The following SLC35F3 variants were observed in gnomAD, a reference collection of about 807,000 sequenced individuals.
SLC35F3 encodes the protein solute carrier family 35 member F3, also known as putative thiamine transporter SLC35F3.
In SLC35F3, 25 loss-of-function variants were observed where a neutral mutation model predicts 49.9. That is an observed-to-expected ratio of 0.50 (90% CI 0.37 to 0.70). The LOEUF is 0.70. Among genes scored for constraint, SLC35F3 ranks in the 30% least tolerant of loss-of-function variants. The probability of loss-of-function intolerance (pLI) is 0.00; values close to 1 mark genes in which losing one functional copy is unlikely to be tolerated. For synonymous variants in SLC35F3, 275 were observed against 265.4 expected, an observed-to-expected ratio of 1.04 and a Z score of -0.35; for missense variants, 525 against 639.8, an observed-to-expected ratio of 0.82 and a Z score of 1.94.
chr1:233,981,343 A>G (rs1663178661), intron 2 of SLC35F3, among the ~76,000 whole-genome samples: 1 of 152,142 alleles, frequency 6.6e-6, no homozygotes, highest in South Asian at 2.1e-4. Context: ...ACCCTACACA[A>G]TCACTAATCT....
intron 3 of SLC35F3, among the ~76,000 whole-genome samples, chr1:234,292,245 G>C (rs1483033746): frequency 6.6e-6 from 1 of 152,200 alleles, no homozygotes; most frequent in Non-Finnish European, 1.5e-5. Context: ...ACCTGGCTAA[G>C]GACAGCAGGG....
chr1:233,935,650 C>G (rs1662311621), intron 2 of SLC35F3, among the ~76,000 whole-genome samples: 1 of 152,164 alleles, frequency 6.6e-6, no homozygotes, highest in African/African-American at 2.4e-5. Flanking sequence ...CTCCCACAAG[C>G]TTATGTTGCC....
rs986971741 is a variant in SLC35F3 at position 234,068,726 on chromosome 1, G to A, written c.284-162691G>A. 2.0e-5 allele frequency among the ~76,000 whole-genome samples: 3 copies of A among 149,386 alleles called. No individual in the cohort carries two copies. In the Admixed American group the frequency reaches 2.0e-4, roughly 10 times the overall value. On this transcript the variant is annotated intron_variant, in intron 2 of 7. Transcript: ENST00000366618. Reference sequence around the variant, plus strand: ...AGAGGCAAGAGTGCAGACCACGTAGGCCTTGCAGACCGCTGTAAATGCTTG... The same window carrying A: ...AGAGGCAAGAGTGCAGACCACGTAGACCTTGCAGACCGCTGTAAATGCTTG...
chr1:233,993,727 ACCT>A (rs1030015482), intron 2 of SLC35F3, among the ~76,000 whole-genome samples: 1 of 151,902 alleles, frequency 6.6e-6, no homozygotes, highest in Admixed American at 6.6e-5. Context: ...ACAACACCTG[ACCT>A]CCTGAAATCT....
intron 2 of SLC35F3, among the ~76,000 whole-genome samples, chr1:234,022,346 A>G (rs1363956731): frequency 6.6e-6 from 1 of 152,242 alleles, no homozygotes; most frequent in Non-Finnish European, 1.5e-5. Flanking sequence ...TGGCTCTCCA[A>G]TTGTGGAGGC....
At chr1:234,166,314 A>G (rs1181191103) in intron 2 of SLC35F3, among the ~76,000 whole-genome samples, 1 of 152,128 alleles carries the variant, frequency 6.6e-6, no homozygotes. Context: ...GCACTGACAC[A>G]TCATTATCAC....
chr1:234,270,538 A>G (rs1401102745), intron 3 of SLC35F3, among the ~76,000 whole-genome samples: 1 of 152,254 alleles, frequency 6.6e-6, no homozygotes, highest in Admixed American at 6.5e-5. Flanking sequence ...GGCAGAATGC[A>G]GCTTTTAGAC....
At chr1:234,028,375 TAA>T (rs1314857688) in intron 2 of SLC35F3, among the ~76,000 whole-genome samples, 1 of 152,194 alleles carries the variant, frequency 6.6e-6, no homozygotes, top group Non-Finnish European at 1.5e-5. Flanking sequence ...CCTGTGAGGT[TAA>T]AAGAGTTTCT....
At chr1:234,101,379 G>A (rs1227959659) in intron 2 of SLC35F3, among the ~76,000 whole-genome samples, 1 of 152,150 alleles carries the variant, frequency 6.6e-6, no homozygotes, top group African/African-American at 2.4e-5. Context: ...AGACACTCCT[G>A]AAAACTGGAA....
At chr1:234,195,149 G>A (rs937828105) in intron 2 of SLC35F3, among the ~76,000 whole-genome samples, 1 of 152,194 alleles carries the variant, frequency 6.6e-6, no homozygotes. Context: ...AAGGACACGT[G>A]TGGACAGAAC....
chr1:234,095,684 G>A (rs1266578462), intron 2 of SLC35F3, among the ~76,000 whole-genome samples: 2 of 152,110 alleles, frequency 1.3e-5, no homozygotes, highest in Non-Finnish European at 1.5e-5. Flanking sequence ...TCATTGACTC[G>A]GGCATCCCAG....
At chr1:234,291,662 C>G (rs1668510230) in intron 3 of SLC35F3, among the ~76,000 whole-genome samples, 1 of 152,112 alleles carries the variant, frequency 6.6e-6, no homozygotes, top group Non-Finnish European at 1.5e-5. Flanking sequence ...CTCCTGGGCT[C>G]AAGTGATCCT....
chr1:234,085,764 G>A (rs1045884569), intron 2 of SLC35F3, among the ~76,000 whole-genome samples: 2 of 152,128 alleles, frequency 1.3e-5, no homozygotes, highest in African/African-American at 4.8e-5. Flanking sequence ...TTAGTGTGAT[G>A]TCTTGGTCCT....
chr1:234,093,759 A>T (rs1665079774), intron 2 of SLC35F3, among the ~76,000 whole-genome samples: 1 of 152,236 alleles, frequency 6.6e-6, no homozygotes, highest in African/African-American at 2.4e-5. Flanking sequence ...AGTCTAGCCA[A>T]GAAAGAAAGG....
chr1:234,304,241 A>C (rs1212014063), intron 3 of SLC35F3, among the ~76,000 whole-genome samples: 1 of 151,966 alleles, frequency 6.6e-6, no homozygotes, highest in Non-Finnish European at 1.5e-5. Context: ...GGCTCACTGC[A>C]ACCTCCACCT....
chr1:233,997,488 A>G (rs932341308), intron 2 of SLC35F3, among the ~76,000 whole-genome samples: 1 of 152,250 alleles, frequency 6.6e-6, no homozygotes, highest in South Asian at 2.1e-4. Flanking sequence ...CATTTCTCCA[A>G]TGATGAGTGA....
intron 2 of SLC35F3, among the ~76,000 whole-genome samples, chr1:234,092,466 G>T (rs1665057803): frequency 6.6e-6 from 1 of 151,962 alleles, no homozygotes; most frequent in African/African-American, 2.4e-5. Context: ...GGACTGTATT[G>T]TTACAGAAAT....
chr1:234,179,722 AT>A (rs770955518), intron 2 of SLC35F3, among the ~76,000 whole-genome samples: 29 of 144,254 alleles, frequency 2.0e-4, no homozygotes, highest in Non-Finnish European at 3.4e-4. Context: ...ACTCTCTTGA[AT>A]TTTTACCAAT....
At chr1:234,054,862 C>A (rs1471430069) in intron 2 of SLC35F3, among the ~76,000 whole-genome samples, 1 of 152,202 alleles carries the variant, frequency 6.6e-6, no homozygotes, top group Non-Finnish European at 1.5e-5. Context: ...TTCCTTCTAA[C>A]AGTCAGGACC....
Sources: gnomAD v4.1 joint callset for allele counts (sites outside exome capture counted in the v4.1 genomes callset) on GRCh38, gnomAD v4.1.1 for gene constraint, MANE v1.5 for transcripts, NCBI Gene and HGNC (gene_info 2026-07-23, HGNC 2026-07-21) for gene names.